C3orf20: variants seen among roughly 807,000 people sequenced by gnomAD.
C3orf20 encodes family with sequence similarity 149 member C.
A neutral mutation model predicts 88.3 loss-of-function variants in C3orf20; 76 were observed. That is an observed-to-expected ratio of 0.86 (90% CI 0.72 to 1.04). C3orf20 has a LOEUF of 1.04. Among genes scored for constraint, C3orf20 ranks in the 50% least tolerant of loss-of-function variants. The probability of loss-of-function intolerance (pLI) is 0.00; values close to 1 mark genes in which losing one functional copy is unlikely to be tolerated. For missense variants in C3orf20, 1,056 were observed against 1,123.3 expected (o/e 0.94, Z 0.86); for synonymous variants, 436 against 437.4 (o/e 1.00, Z 0.04).
rs566634174 is a variant in C3orf20 at position 14,758,614 on chromosome 3, G to A, written c.2244+940G>A. On this transcript the variant is annotated intron_variant, in intron 13 of 16. Coordinates refer to ENST00000253697, the MANE Select transcript of C3orf20 (RefSeq NM_032137.5). ...TTTGCCCTCCTGTCTCCTAGAATCC[G>A]CTGTCTTTGCCCATTTCCCAATTGC... Among the ~76,000 whole-genome samples, 4 of 152,246 alleles carry A rather than the reference G, an allele frequency of 2.6e-5. No homozygotes were observed. In the South Asian group the frequency reaches 6.2e-4, roughly 24 times the overall value.
intron 15 of C3orf20, among the ~76,000 whole-genome samples, chr3:14,769,684 CCA>C (rs1263124318): frequency 6.6e-6 from 1 of 152,114 alleles, no homozygotes; most frequent in Admixed American, 6.5e-5. Flanking sequence ...CATCAGGGAA[CCA>C]CACACTGGCT....
intron 11 of C3orf20, 126 bp downstream of exon 11, chr3:14,727,150 G>T: frequency 8.9e-7 from 1 of 1,127,998 alleles, no homozygotes. Flanking sequence ...TGAATGTCCA[G>T]GGAAGTAGGC....
intron 4 of C3orf20, 82 bp from the exon 5 acceptor site, chr3:14,689,915 A>G: frequency 2.5e-6 from 4 of 1,593,256 alleles, no homozygotes; most frequent in Non-Finnish European, 3.4e-6. Context: ...TACTACTAGA[A>G]CAAGAAATCC....
intron 1 of C3orf20, among the ~76,000 whole-genome samples, chr3:14,678,845 T>C (rs2031932136): frequency 6.6e-6 from 1 of 152,206 alleles, no homozygotes; most frequent in South Asian, 2.1e-4. Context: ...CAATTAGCCA[T>C]TAAAGACAAT....
chr3:14,732,157 A>C (rs539483203), intron 12 of C3orf20, among the ~76,000 whole-genome samples: 6 of 152,280 alleles, frequency 3.9e-5, no homozygotes, highest in African/African-American at 1.4e-4. Context: ...TTAGCACTTG[A>C]TATTGTTGGG....
At chr3:14,703,705 G>C (rs1401163809) in intron 6 of C3orf20, among the ~76,000 whole-genome samples, 1 of 152,198 alleles carries the variant, frequency 6.6e-6, no homozygotes, top group Non-Finnish European at 1.5e-5. Context: ...TTTGTGCACT[G>C]TTTGTTTCTT....
At chr3:14,695,125 C>T (rs2032937031) in intron 5 of C3orf20, among the ~76,000 whole-genome samples, 1 of 152,120 alleles carries the variant, frequency 6.6e-6, no homozygotes, top group Non-Finnish European at 1.5e-5. Context: ...AGGCACTTAA[C>T]AGCTATAAAT....
chr3:14,701,317 AG>A lies in C3orf20; in HGVS notation c.746-1812del. On this transcript the variant is annotated intron_variant, in intron 5 of 16. Coordinates refer to ENST00000253697, the MANE Select transcript of C3orf20 (RefSeq NM_032137.5). This position sits in a 1 kb window ranked among gnomAD's most constrained non-coding sequence, Gnocchi z 4.6. The stretch of plus-strand genomic sequence containing the variant: ...TCCATTCTGAGGCCCTCAGGGTTTC[AG>A]TTAGAGCCTGAGAAATGCCCCCACC... Among the ~76,000 whole-genome samples, 1 of 152,326 alleles carries A rather than the reference AG, an allele frequency of 6.6e-6. No individual in the cohort carries two copies. The highest frequency in any genetic ancestry group is 1.5e-5 in the Non-Finnish European group (1 of 68,018).
At chr3:14,734,834 T>A (rs1051239771) in intron 12 of C3orf20, among the ~76,000 whole-genome samples, 8 of 152,080 alleles carry the variant, frequency 5.3e-5, no homozygotes, top group Non-Finnish European at 1.2e-4. Flanking sequence ...TATTTCTCCT[T>A]TTATTTCTGT....
chr3:14,772,839 G>A lies in C3orf20; in HGVS notation c.2679G>A (p.Lys893=). The change falls in exon 17 of 17, where the codon AAG becomes AAA. Residue 893 remains lysine (K), a synonymous_variant. Transcript: ENST00000253697. The surrounding 1 kb of genome is among the most constrained non-coding windows in gnomAD (Gnocchi z 4.2). ...VELHPLSRDS[K]ITSWKKQASK... ...TACATCCTCTCAGCAGGGACAGCAAGATAACTAGTTGGAAGAAGCAGGCCT... is the reference window on the plus strand; with the variant it reads ...TACATCCTCTCAGCAGGGACAGCAAAATAACTAGTTGGAAGAAGCAGGCCT... 6.2e-7 allele frequency: 1 copy of A among 1,614,132 alleles called. No individual in the cohort carries two copies. The highest frequency in any genetic ancestry group is 8.5e-7 in the Non-Finnish European group (1 of 1,180,006).
intron 12 of C3orf20, among the ~76,000 whole-genome samples, chr3:14,739,544 T>G (rs748385913): frequency 6.6e-6 from 1 of 152,248 alleles, no homozygotes; most frequent in Non-Finnish European, 1.5e-5. Flanking sequence ...AGCATTGGCT[T>G]TAGCCTAAAG....
intron 12 of C3orf20, among the ~76,000 whole-genome samples, chr3:14,746,205 A>G (rs2035052903): frequency 6.6e-6 from 1 of 152,228 alleles, no homozygotes. Context: ...AATAACAAGG[A>G]AAGTTGGGGG....
rs189755537 is a variant in C3orf20, at chr3:14,770,684, T to G, written c.2496-1383T>G. Among the ~76,000 whole-genome samples, 70 of 152,176 alleles carry G rather than the reference T, an allele frequency of 4.6e-4. No homozygotes were observed. In the East Asian group the frequency reaches 0.012, roughly 26 times the overall value. On this transcript the variant is annotated intron_variant, in intron 15 of 16. Transcript: ENST00000253697. Reference sequence around the variant, plus strand: ...CCATGACCCCCACCAGGTTGTAAACTCCTCAGGGCCGGACGCATAGTAGAG... The same window carrying G: ...CCATGACCCCCACCAGGTTGTAAACGCCTCAGGGCCGGACGCATAGTAGAG...
chr3:14,710,386 G>A (rs1251511987), intron 7 of C3orf20, among the ~76,000 whole-genome samples: 1 of 151,824 alleles, frequency 6.6e-6, no homozygotes, highest in Non-Finnish European at 1.5e-5. Flanking sequence ...CCATCTGCTA[G>A]CTTTGCTTTA....
At chr3:14,720,456 CAAAAG>C (rs1401230787) in intron 9 of C3orf20, among the ~76,000 whole-genome samples, 1 of 152,056 alleles carries the variant, frequency 6.6e-6, no homozygotes, top group Non-Finnish European at 1.5e-5. Context: ...GGAAGAAACT[CAAAAG>C]GAAGTTAAGC....
At position 14,755,288 on chromosome 3, in the gene C3orf20, T is replaced by C. The variant is rs558470339; in HGVS notation, c.1941-2083T>C. 4.6e-3 allele frequency among the ~76,000 whole-genome samples: 696 copies of C among 152,330 alleles called. 5 individuals are homozygous for C. The highest frequency in any genetic ancestry group is 0.016 in the African/African-American group (663 of 41,582). On this transcript the variant is annotated intron_variant, in intron 12 of 16. Transcript: ENST00000253697. ...CACAGAGGGATTTTGGAGGCTGTTT[T>C]CTTTCATGTAGTTGACTTTATCAAT...
intron 9 of C3orf20, among the ~76,000 whole-genome samples, chr3:14,718,685 T>C (rs2034030764): frequency 6.6e-6 from 1 of 152,230 alleles, no homozygotes; most frequent in Non-Finnish European, 1.5e-5. Context: ...CTGAAGAGTG[T>C]TGATATTCTT....
intron 12 of C3orf20, among the ~76,000 whole-genome samples, chr3:14,746,800 A>C (rs1454762079): frequency 1.3e-5 from 2 of 152,254 alleles, no homozygotes; most frequent in African/African-American, 4.8e-5. Flanking sequence ...TTAAGCAATC[A>C]TCTCAAAATG....
chr3:14,690,158 C>A, intron 5 of C3orf20, 42 bp downstream of exon 5: 3 of 1,603,956 alleles, frequency 1.9e-6, no homozygotes, highest in Non-Finnish European at 2.6e-6. Context: ...TTGGTGGTGG[C>A]GGTGGGGTGG....
Sources: gnomAD v4.1 joint callset for allele counts (sites outside exome capture counted in the v4.1 genomes callset) on GRCh38, gnomAD v4.1.1 for gene constraint, Gnocchi (gnomAD v3.1) non-coding constraint, MANE v1.5 for transcripts, NCBI Gene and HGNC (gene_info 2026-07-23, HGNC 2026-07-21) for gene names.